Variants in GPC5 observed in about 807,000 individuals in gnomAD.
GPC5 encodes glypican-5.
GPC5 carries 47 observed loss-of-function variants against 53.9 expected under a neutral mutation model. That is an observed-to-expected ratio of 0.87 (90% CI 0.69 to 1.11). The LOEUF is 1.11. GPC5 is among the 50% of genes most tolerant of loss of function. GPC5 has a pLI of 0.00. For synonymous variants in GPC5, 286 were observed against 263.3 expected (o/e 1.09, Z -0.84); for missense variants, 748 against 713.1 (o/e 1.05, Z -0.56).
chr13:92,567,920 A>G (rs1882910412), intron 7 of GPC5, among the ~76,000 whole-genome samples: 1 of 152,184 alleles, frequency 6.6e-6, no homozygotes, highest in Non-Finnish European at 1.5e-5. Context: ...ATTCAGCCCA[A>G]CTGATTTAAA....
In GPC5 at chr13:92,519,789, C is replaced by T. The variant is rs955922715; in HGVS notation, c.1562-346493C>T. Among the ~76,000 whole-genome samples the T allele has an allele frequency of 1.2e-4, 18 of 151,522 alleles. No homozygotes were observed. In the East Asian group the frequency reaches 1.4e-3, roughly 11 times the overall value. ...GAAATAACTAAGATCAGAGAAGAAC[C>T]GAAGGAGATAGAGACACAAAAAACC... On this transcript the variant is annotated intron_variant, in intron 7 of 7. Coordinates refer to ENST00000377067, the MANE Select transcript of GPC5 (RefSeq NM_004466.6).
At chr13:92,146,361 T>C (rs2041867426) in intron 7 of GPC5, among the ~76,000 whole-genome samples, 1 of 152,108 alleles carries the variant, frequency 6.6e-6, no homozygotes, top group Non-Finnish European at 1.5e-5. Flanking sequence ...AATTTGGAAA[T>C]GAAAATGACT....
At chr13:91,697,419 G>C (rs370285336) in intron 3 of GPC5, among the ~76,000 whole-genome samples, 1 of 152,156 alleles carries the variant, frequency 6.6e-6, no homozygotes, top group South Asian at 2.1e-4. Context: ...GGGATTACAG[G>C]CATGAGCCAC....
chr13:91,641,282 A>C (rs971105076), intron 2 of GPC5, among the ~76,000 whole-genome samples: 23 of 152,160 alleles, frequency 1.5e-4, no homozygotes, highest in Middle Eastern at 3.2e-3. Flanking sequence ...GAGCCAAGAT[A>C]GCGCCACTGC....
At chr13:91,986,769 T>C (rs1304944866) in intron 6 of GPC5, among the ~76,000 whole-genome samples, 1 of 152,248 alleles carries the variant, frequency 6.6e-6, no homozygotes, top group Non-Finnish European at 1.5e-5. Context: ...CTTTTTATAT[T>C]CTCTATGAAA....
chr13:92,349,392 G>A (rs567069599), intron 7 of GPC5, among the ~76,000 whole-genome samples: 4 of 151,486 alleles, frequency 2.6e-5, no homozygotes, highest in South Asian at 4.2e-4. Context: ...TGATTTGCCC[G>A]CCTTGGCCTC....
chr13:91,876,833 C>A (rs1369059213), intron 5 of GPC5, among the ~76,000 whole-genome samples: 1 of 152,180 alleles, frequency 6.6e-6, no homozygotes, highest in Non-Finnish European at 1.5e-5. Context: ...ACCTTCACAG[C>A]AGCCCCTCCC....
intron 7 of GPC5, among the ~76,000 whole-genome samples, chr13:92,158,776 G>T (rs1396389709): frequency 6.6e-6 from 1 of 151,880 alleles, no homozygotes; most frequent in Non-Finnish European, 1.5e-5. Flanking sequence ...ACTGTTTTTT[G>T]CTGAGATATG....
At chr13:92,138,794 T>C (rs781031153) in intron 6 of GPC5, among the ~76,000 whole-genome samples, 1 of 152,076 alleles carries the variant, frequency 6.6e-6, no homozygotes, top group Admixed American at 6.6e-5. Context: ...AGTTATTTGA[T>C]GCTGTCTCTG....
At chr13:92,674,553 TTCATGAAGCTCTTCTTGAAGCAGGAG>T (rs1886866666) in intron 7 of GPC5, among the ~76,000 whole-genome samples, 1 of 18,812 alleles carries the variant, frequency 5.3e-5, no homozygotes, top group Non-Finnish European at 1.4e-4. Flanking sequence ...AAGCAGGAGC[TTCATGAAGCTCTTCTTGAAGCAGGAG>T]CTTCATGAAG....
At chr13:92,478,961 G>T (rs1879250337) in intron 7 of GPC5, among the ~76,000 whole-genome samples, 2 of 152,138 alleles carry the variant, frequency 1.3e-5, no homozygotes, top group Admixed American at 6.6e-5. Flanking sequence ...ATATGAAATT[G>T]GTTAAGTTAT....
chr13:92,324,154 T>C (rs2043234628), intron 7 of GPC5, among the ~76,000 whole-genome samples: 1 of 151,990 alleles, frequency 6.6e-6, no homozygotes, highest in South Asian at 2.1e-4. Flanking sequence ...GATTTTACTT[T>C]ATAATATGAC....
At chr13:92,118,744 G>T (rs994530496) in intron 6 of GPC5, among the ~76,000 whole-genome samples, 1 of 152,120 alleles carries the variant, frequency 6.6e-6, no homozygotes, top group African/African-American at 2.4e-5. Context: ...AAGAGTCCTT[G>T]GTAGTTGCTT....
chr13:92,585,324 G>A (rs576963131), intron 7 of GPC5, among the ~76,000 whole-genome samples: 2 of 152,318 alleles, frequency 1.3e-5, no homozygotes, highest in South Asian at 4.1e-4. Flanking sequence ...ACCTGGATGT[G>A]AGACATGGAG....
chr13:92,799,563 T>C (rs1876825348), intron 7 of GPC5, among the ~76,000 whole-genome samples: 1 of 151,690 alleles, frequency 6.6e-6, no homozygotes, highest in Non-Finnish European at 1.5e-5. Context: ...ACATTGAAAA[T>C]AAAGTGTAAG....
In GPC5 at chr13:92,577,417, T is replaced by C. The variant is rs186862580; in HGVS notation, c.1562-288865T>C. Among the ~76,000 whole-genome samples, 4 of 136,956 alleles carry C rather than the reference T, an allele frequency of 2.9e-5. No individual in the cohort carries two copies. The East Asian group carries it at 8.1e-4, about 28-fold the overall frequency. 89.8% of individuals were successfully genotyped at this position (136,956 alleles called of 152,430 possible). ...ATGAATGAATGTAAGTATGTATGTA[T>C]ATGTGTGTGTGTGTGTGTGTGTGTG... On this transcript the variant is annotated intron_variant, in intron 7 of 7. Transcript: ENST00000377067.
chr13:91,438,415 C>G (rs1880151520), intron 1 of GPC5, among the ~76,000 whole-genome samples: 1 of 152,200 alleles, frequency 6.6e-6, no homozygotes, highest in Non-Finnish European at 1.5e-5. Context: ...TTGGAGTTTG[C>G]TGGAGGTCCA....
intron 7 of GPC5, among the ~76,000 whole-genome samples, chr13:92,484,834 A>G (rs1336538077): frequency 2.0e-5 from 3 of 151,970 alleles, no homozygotes; most frequent in Admixed American, 6.6e-5. Flanking sequence ...TCCCAGGTTC[A>G]AACAATTCTC....
chr13:92,170,781 T>C (rs2042065075), intron 7 of GPC5, among the ~76,000 whole-genome samples: 1 of 152,134 alleles, frequency 6.6e-6, no homozygotes, highest in Non-Finnish European at 1.5e-5. Flanking sequence ...AAACTTCGCA[T>C]GTTCACAGTT....
Sources: allele counts gnomAD v4.1 joint callset (sites outside exome capture counted in the v4.1 genomes callset), GRCh38; gene constraint gnomAD v4.1.1; transcripts MANE v1.5; gene names NCBI Gene and HGNC (gene_info 2026-07-23, HGNC 2026-07-21).